The following CEP112 variants were observed in gnomAD, a reference collection of about 807,000 sequenced individuals.
CEP112 encodes centrosomal protein of 112 kDa.
In CEP112, 127 loss-of-function variants were observed where a neutral mutation model predicts 153.0. That is an observed-to-expected ratio of 0.83 (90% CI 0.72 to 0.96). The LOEUF (loss-of-function observed/expected upper bound fraction) is 0.96. Among genes scored for constraint, CEP112 ranks in the 40% least tolerant of loss-of-function variants. CEP112 has a pLI of 0.00. For synonymous variants in CEP112, 358 were observed against 374.4 expected (o/e 0.96, Z 0.51); for missense variants, 1,089 against 1,101.2 (o/e 0.99, Z 0.16).
At chr17:65,979,881 T>TA (rs1412941486) in intron 17 of CEP112, among the ~76,000 whole-genome samples, 23 of 152,146 alleles carry the variant, frequency 1.5e-4, no homozygotes, top group Non-Finnish European at 4.4e-5. Flanking sequence ...CATCCTCTGG[T>TA]AAAAAATAGT....
chr17:65,769,738 A>C (rs987929), intron 21 of CEP112, among the ~76,000 whole-genome samples: 1 of 151,466 alleles, frequency 6.6e-6, no homozygotes, highest in Non-Finnish European at 1.5e-5. Flanking sequence ...TTGGACCCTT[A>C]TCTTACGCCA....
intron 4 of CEP112, among the ~76,000 whole-genome samples, chr17:66,145,393 GT>G (rs2070878871): frequency 1.3e-5 from 2 of 151,978 alleles, no homozygotes; most frequent in African/African-American, 2.4e-5. Context: ...AGTTCAGTTT[GT>G]AAATTTTTTC....
At chr17:65,819,494 G>C (rs2056428709) in intron 21 of CEP112, among the ~76,000 whole-genome samples, 1 of 151,916 alleles carries the variant, frequency 6.6e-6, no homozygotes, top group African/African-American at 2.4e-5. Context: ...CTAAGAATAT[G>C]TGCATAGTCT....
intron 4 of CEP112, among the ~76,000 whole-genome samples, chr17:66,173,940 CTTTTT>C (rs1030612844): frequency 2.0e-5 from 3 of 151,484 alleles, no homozygotes; most frequent in Admixed American, 6.6e-5. Flanking sequence ...TTTTTCTTTT[CTTTTT>C]TTTGAGACAG....
At position 66,029,240 on chromosome 17, in the gene CEP112, CA is replaced by C; in HGVS notation, c.1385del (p.Leu462ArgfsTer9). ...LQEVKARRNT[L>X]HKEKDHLVND... ...TTACAAGATGGTCCTTCTCTTTATG[CA>C]GTGTGTTACGCCTAAAAACAAGAGA... On this transcript the variant is annotated frameshift_variant, in exon 14 of 27. Coordinates refer to ENST00000535342, the MANE Select transcript of CEP112 (RefSeq NM_001199165.4). LOFTEE classifies it high-confidence loss of function. 6.2e-7 allele frequency: 1 copy of C among 1,610,412 alleles called. No homozygotes were observed. The highest frequency in any genetic ancestry group is 1.1e-5 in the South Asian group (1 of 90,776).
chr17:66,104,246 T>C (rs745957283), intron 6 of CEP112, among the ~76,000 whole-genome samples: 3 of 152,058 alleles, frequency 2.0e-5, no homozygotes, highest in Non-Finnish European at 4.4e-5. Context: ...AGGAGAGGGA[T>C]GAGTAAAAAG....
At chr17:65,814,314 T>C (rs2056146323) in intron 21 of CEP112, among the ~76,000 whole-genome samples, 1 of 152,198 alleles carries the variant, frequency 6.6e-6, no homozygotes, top group East Asian at 1.9e-4. Flanking sequence ...GTCTGCTCTG[T>C]ATGCTCTCAT....
At chr17:65,776,044 A>G (rs954957416) in intron 21 of CEP112, among the ~76,000 whole-genome samples, 3 of 152,200 alleles carry the variant, frequency 2.0e-5, no homozygotes, top group African/African-American at 7.2e-5. Context: ...AACTCGCTGC[A>G]GCAAACATAC....
At chr17:65,690,041 T>C (rs1326973750) in intron 23 of CEP112, among the ~76,000 whole-genome samples, 1 of 143,254 alleles carries the variant, frequency 7.0e-6, no homozygotes, top group African/African-American at 2.6e-5. Context: ...ATCCAGTCAA[T>C]ATTAGTGAGT....
At chr17:65,863,966 A>T (rs1310448415) in intron 20 of CEP112, among the ~76,000 whole-genome samples, 1 of 151,270 alleles carries the variant, frequency 6.6e-6, no homozygotes, top group Non-Finnish European at 1.5e-5. Context: ...ACATGGTGAA[A>T]CCCCGTCTCT....
At chr17:65,976,360 T>C (rs7213300) in intron 17 of CEP112, among the ~76,000 whole-genome samples, 79,133 of 152,094 alleles carry the variant, frequency 0.52, 21,604 homozygotes, top group African/African-American at 0.6. Context: ...TGGCCTTGAC[T>C]GTCTCCCAAA....
intron 11 of CEP112, among the ~76,000 whole-genome samples, chr17:66,055,822 G>C (rs184684828): frequency 1.3e-5 from 2 of 152,262 alleles, no homozygotes; most frequent in African/African-American, 4.8e-5. Context: ...GCTATTACTT[G>C]GCTGATGTGT....
Position 65,829,843 on chromosome 17 carries a change from T to C in CEP112, c.2394+21961A>G, listed in dbSNP as rs903525199. ...GGGACATATTTAACAGTGAAAGGGA[T>C]AGCAGGAAATGCTAAGTCACACAAG... On this transcript the variant is annotated intron_variant, in intron 21 of 26. Coordinates refer to ENST00000535342, the MANE Select transcript of CEP112 (RefSeq NM_001199165.4). Among the ~76,000 whole-genome samples, 4 of 152,304 alleles carry C rather than the reference T, an allele frequency of 2.6e-5. No homozygotes were observed. The East Asian group carries it at 5.8e-4, about 22-fold the overall frequency.
intron 23 of CEP112, among the ~76,000 whole-genome samples, chr17:65,706,704 C>A (rs141021804): frequency 6.6e-6 from 1 of 152,298 alleles, no homozygotes; most frequent in African/African-American, 2.4e-5. Flanking sequence ...AAATCAGGAA[C>A]TGCGAGGACA....
intron 1 of CEP112, among the ~76,000 whole-genome samples, chr17:66,185,138 T>G (rs2072873990): frequency 6.6e-6 from 1 of 151,842 alleles, no homozygotes; most frequent in Non-Finnish European, 1.5e-5. Flanking sequence ...GGAATTTTTC[T>G]GTACACTATC....
At chr17:65,762,275 T>G (rs535058430) in intron 21 of CEP112, among the ~76,000 whole-genome samples, 1 of 152,058 alleles carries the variant, frequency 6.6e-6, no homozygotes, top group Non-Finnish European at 1.5e-5. Flanking sequence ...AGTGTTAGTA[T>G]GGTATATATT....
At chr17:65,685,611 T>G (rs2047740018) in intron 24 of CEP112, among the ~76,000 whole-genome samples, 1 of 151,958 alleles carries the variant, frequency 6.6e-6, no homozygotes, top group South Asian at 2.1e-4. Context: ...ATTTTAGATA[T>G]CCTTAGTAAA....
At chr17:66,126,915 G>A (rs1167486232) in intron 6 of CEP112, among the ~76,000 whole-genome samples, 1 of 151,948 alleles carries the variant, frequency 6.6e-6, no homozygotes, top group East Asian at 1.9e-4. Flanking sequence ...CTCAGAGGAA[G>A]AAAGAAAACA....
intron 19 of CEP112, among the ~76,000 whole-genome samples, chr17:65,919,678 C>T (rs2060630015): frequency 6.6e-6 from 1 of 152,028 alleles, no homozygotes; most frequent in Non-Finnish European, 1.5e-5. Flanking sequence ...GAGACCACTG[C>T]AGTAAGACAG....
Sources: allele counts gnomAD v4.1 joint callset (sites outside exome capture counted in the v4.1 genomes callset), GRCh38; gene constraint gnomAD v4.1.1; transcripts MANE v1.5; gene names NCBI Gene and HGNC (gene_info 2026-07-23, HGNC 2026-07-21).